Variants in CALN1 observed in about 807,000 individuals in gnomAD.
CALN1 encodes calneuron 1.
In CALN1, 17 loss-of-function variants were observed where a neutral mutation model predicts 30.6. The ratio of observed to expected loss-of-function variants is 0.56; its 90% CI spans 0.38 to 0.83. The LOEUF is 0.83. Among genes scored for constraint, CALN1 ranks in the 40% least tolerant of loss-of-function variants. The pLI is 0.00. For synonymous variants in CALN1, 156 were observed against 131.4 expected, an observed-to-expected ratio of 1.19 and a Z score of -1.28; for missense variants, 291 against 354.9, an observed-to-expected ratio of 0.82 and a Z score of 1.45.
intron 2 of CALN1, among the ~76,000 whole-genome samples, chr7:72,346,299 C>A (rs1802636755): frequency 6.6e-6 from 1 of 152,098 alleles, no homozygotes; most frequent in African/African-American, 2.4e-5. Flanking sequence ...CCAAAGATAA[C>A]CACTTTCAAC....
intron 3 of CALN1, among the ~76,000 whole-genome samples, chr7:72,141,263 G>C (rs1809914562): frequency 6.6e-6 from 1 of 152,048 alleles, no homozygotes; most frequent in Non-Finnish European, 1.5e-5. Context: ...CTGTACTCCA[G>C]CCTAAGTGAC....
intron 2 of CALN1, among the ~76,000 whole-genome samples, chr7:72,363,412 T>A (rs1237552108): frequency 6.6e-6 from 1 of 152,040 alleles, no homozygotes; most frequent in Non-Finnish European, 1.5e-5. Context: ...CTAATTTTTG[T>A]ATTTTTAGTA....
intron 4 of CALN1, among the ~76,000 whole-genome samples, chr7:72,041,108 C>T (rs1426436444): frequency 6.6e-6 from 1 of 152,024 alleles, no homozygotes; most frequent in African/African-American, 2.4e-5. Flanking sequence ...AAAGAGTGCC[C>T]TTTTGATATC....
At chr7:72,327,771 G>A (rs1033572371) in intron 2 of CALN1, among the ~76,000 whole-genome samples, 7 of 152,112 alleles carry the variant, frequency 4.6e-5, no homozygotes, top group Non-Finnish European at 8.8e-5. Context: ...TTCTTCATAA[G>A]TATAAATTAT....
intron 5 of CALN1, among the ~76,000 whole-genome samples, chr7:71,978,959 A>T (rs1798247689): frequency 6.6e-6 from 1 of 152,174 alleles, no homozygotes; most frequent in Non-Finnish European, 1.5e-5. Context: ...CTGTCTTTTC[A>T]AGGATGTTTG....
chr7:72,377,057 C>T (rs569134334), intron 2 of CALN1, among the ~76,000 whole-genome samples: 2 of 152,204 alleles, frequency 1.3e-5, no homozygotes, highest in East Asian at 1.9e-4. Context: ...TATTTTTATA[C>T]TTATGCCAGT....
intron 2 of CALN1, among the ~76,000 whole-genome samples, chr7:72,280,772 TG>T (rs1161459371): frequency 6.6e-6 from 1 of 152,016 alleles, no homozygotes; most frequent in African/African-American, 2.4e-5. Context: ...CTTTAAGAGG[TG>T]ATTAGGTCAT....
chr7:72,107,976 C>T (rs944697191), intron 3 of CALN1, among the ~76,000 whole-genome samples: 41 of 152,280 alleles, frequency 2.7e-4, no homozygotes, highest in African/African-American at 9.6e-4. Context: ...CATGCCCTGG[C>T]ATGATCATTA....
At position 72,288,735 on chromosome 7, in the gene CALN1, T is replaced by C. The variant is rs112588523; in HGVS notation, c.120-9925A>G. On this transcript the variant is annotated intron_variant, in intron 2 of 6. Coordinates refer to ENST00000395275, the MANE Select transcript of CALN1 (RefSeq NM_031468.4). The stretch of plus-strand genomic sequence containing the variant: ...CATTCAATTTCTTCTGCTACAAGTA[T>C]GCTTTTCATCTTTATGTATTGGATT... Among the ~76,000 whole-genome samples the C allele has an allele frequency of 4.1e-3, 630 of 152,338 alleles. 1 individual carries two copies. Among genetic ancestry groups the C allele is most frequent in the African/African-American group, 0.014 (579 of 41,572 alleles).
At chr7:71,976,278 G>A (rs538209608) in intron 5 of CALN1, among the ~76,000 whole-genome samples, 29 of 152,278 alleles carry the variant, frequency 1.9e-4, no homozygotes, top group South Asian at 4.1e-4. Context: ...TCCCCAAGCA[G>A]GGTGGACTGA....
At chr7:72,112,159 C>A (rs893860765) in intron 3 of CALN1, among the ~76,000 whole-genome samples, 24 of 152,160 alleles carry the variant, frequency 1.6e-4, no homozygotes, top group African/African-American at 5.8e-4. Context: ...GCAGGAACAA[C>A]AGCAAAAGCA....
intron 1 of CALN1, among the ~76,000 whole-genome samples, chr7:72,423,380 G>A (rs1011899708): frequency 6.6e-6 from 1 of 151,910 alleles, no homozygotes; most frequent in African/African-American, 2.4e-5. Context: ...AGAAAGCCTA[G>A]CCCCAGGGCA....
chr7:72,349,209 C>A (rs1249500924), intron 2 of CALN1, among the ~76,000 whole-genome samples: 1 of 151,650 alleles, frequency 6.6e-6, no homozygotes, highest in Admixed American at 6.6e-5. Context: ...GGGACAATAT[C>A]AAGCTACCTA....
At chr7:71,826,418 C>T (rs1788919212) in intron 5 of CALN1, among the ~76,000 whole-genome samples, 1 of 152,190 alleles carries the variant, frequency 6.6e-6, no homozygotes, top group Non-Finnish European at 1.5e-5. Flanking sequence ...TCGTGGTTGA[C>T]TTTGAAAAGC....
At chr7:72,067,696 A>G (rs778198381) in intron 4 of CALN1, among the ~76,000 whole-genome samples, 3 of 152,208 alleles carry the variant, frequency 2.0e-5, no homozygotes, top group Non-Finnish European at 4.4e-5. Context: ...TCGCTATGCT[A>G]AGGAGGAGTC....
At chr7:72,343,249 T>C (rs968332847) in intron 2 of CALN1, among the ~76,000 whole-genome samples, 6 of 152,170 alleles carry the variant, frequency 3.9e-5, no homozygotes, top group Admixed American at 3.3e-4. Flanking sequence ...GCAGAACAGT[T>C]AGCAAAATTG....
intron 3 of CALN1, among the ~76,000 whole-genome samples, chr7:72,185,935 T>A (rs1790155976): frequency 6.6e-6 from 1 of 152,180 alleles, no homozygotes; most frequent in South Asian, 2.1e-4. Context: ...TTGCCCAGTC[T>A]CAGGTGTGTC....
chr7:72,123,460 T>C (rs1036656959), intron 3 of CALN1, among the ~76,000 whole-genome samples: 1 of 152,230 alleles, frequency 6.6e-6, no homozygotes, highest in Admixed American at 6.5e-5. Context: ...CCTGTCATCA[T>C]GGGCAAGGGC....
intron 5 of CALN1, among the ~76,000 whole-genome samples, chr7:71,897,977 A>AAC (rs1554372058): frequency 4.5e-4 from 53 of 116,838 alleles, no homozygotes; most frequent in African/African-American, 2.2e-3. Flanking sequence ...AAAAACAAAA[A>AAC]AAAAAAAAAA....
Sources: allele counts gnomAD v4.1 joint callset (sites outside exome capture counted in the v4.1 genomes callset), GRCh38; gene constraint gnomAD v4.1.1; transcripts MANE v1.5; gene names NCBI Gene and HGNC (gene_info 2026-07-23, HGNC 2026-07-21).